Variants in SGCD observed in about 807,000 individuals in gnomAD.
The protein encoded by SGCD is delta-sarcoglycan.
Under a neutral mutation model 36.6 loss-of-function variants are expected in SGCD, and 18 were observed. The observed-to-expected ratio is 0.49, with a 90% confidence interval of 0.34 to 0.73. The LOEUF is 0.73. Among genes scored for constraint, SGCD ranks in the 30% least tolerant of loss-of-function variants. The pLI, the probability that SGCD is intolerant of heterozygous loss-of-function variation, is 0.01. For synonymous variants in SGCD, 133 were observed against 130.6 expected (o/e 1.02, Z -0.12); for missense variants, 387 against 346.7 (o/e 1.12, Z -0.92).
the SGCD span, among the ~76,000 whole-genome samples, chr5:155,826,175 C>A: frequency 6.6e-6 from 1 of 152,170 alleles, no homozygotes; most frequent in Non-Finnish European, 1.5e-5. Context: ...CTGCCTATTG[C>A]TTTCCAAACT....
At chr5:155,830,981 T>A in the SGCD span, among the ~76,000 whole-genome samples, 2 of 152,234 alleles carry the variant, frequency 1.3e-5, no homozygotes, top group Non-Finnish European at 2.9e-5. Context: ...ATTAAATGCT[T>A]GTTACGTGTT....
chr5:155,946,471 A>C (rs1043819648), intron 1 of SGCD, among the ~76,000 whole-genome samples: 3 of 152,108 alleles, frequency 2.0e-5, no homozygotes, highest in Non-Finnish European at 4.4e-5. Flanking sequence ...CCAAGTGGTT[A>C]TATGGTTGAT....
chr5:156,728,598 C>A (rs982685253), intron 7 of SGCD, among the ~76,000 whole-genome samples: 9 of 149,732 alleles, frequency 6.0e-5, no homozygotes, highest in African/African-American at 2.2e-4. Context: ...TCAGCAGTGC[C>A]CCCCCACCAC....
At chr5:156,446,420 G>A (rs927721829) in intron 3 of SGCD, among the ~76,000 whole-genome samples, 1 of 152,084 alleles carries the variant, frequency 6.6e-6, no homozygotes, top group Non-Finnish European at 1.5e-5. Context: ...GGTTTTGATG[G>A]CTGAAGAGAA....
intron 7 of SGCD, among the ~76,000 whole-genome samples, chr5:156,715,341 C>T (rs1261955267): frequency 1.3e-5 from 2 of 152,180 alleles, no homozygotes; most frequent in African/African-American, 4.8e-5. Flanking sequence ...AATTTGGTTG[C>T]TGAAGTCAGA....
chr5:156,602,739 A>G (rs1761250514), intron 6 of SGCD, among the ~76,000 whole-genome samples: 1 of 152,182 alleles, frequency 6.6e-6, no homozygotes, highest in African/African-American at 2.4e-5. Flanking sequence ...GTAGTATATC[A>G]CACTTATGGA....
intron 3 of SGCD, among the ~76,000 whole-genome samples, chr5:156,214,314 A>G (rs1764521818): frequency 6.6e-6 from 1 of 152,008 alleles, no homozygotes; most frequent in Admixed American, 6.5e-5. Context: ...ACTAACAACA[A>G]ACTTCTGAAA....
At chr5:156,466,217 C>G (rs1385984362) in intron 3 of SGCD, among the ~76,000 whole-genome samples, 2 of 152,104 alleles carry the variant, frequency 1.3e-5, no homozygotes, top group African/African-American at 4.8e-5. Context: ...CCTTAACTGG[C>G]GAACTATAGG....
At chr5:156,750,629 A>G (rs1279182963) in intron 7 of SGCD, among the ~76,000 whole-genome samples, 1 of 151,832 alleles carries the variant, frequency 6.6e-6, no homozygotes, top group Non-Finnish European at 1.5e-5. Context: ...CTGGGCAACA[A>G]GAGTGAAACT....
intron 1 of SGCD, among the ~76,000 whole-genome samples, chr5:155,888,325 G>A (rs244978): frequency 0.89 from 135,558 of 152,222 alleles, 60,416 homozygotes; most frequent in Admixed American, 0.92. Context: ...CTTCATGGCC[G>A]TCTTACCAAC....
In SGCD at chr5:156,008,125, T is replaced by C. The variant is rs140343442; in HGVS notation, c.-281-109753T>C. ...ATGGCTGCTATAAAAAAATGCCAAA[T>C]TGAGTAGCTTAAAACAATGGAAATT... On this transcript the variant is annotated intron_variant, in intron 1 of 9. Coordinates refer to the SGCD transcript ENST00000517913. 5.9e-5 allele frequency among the ~76,000 whole-genome samples: 9 copies of C among 152,328 alleles called. No homozygotes were observed. In the East Asian group the frequency reaches 1.5e-3, roughly 26 times the overall value.
At chr5:156,394,768 T>A (rs1771762291) in intron 3 of SGCD, among the ~76,000 whole-genome samples, 1 of 152,258 alleles carries the variant, frequency 6.6e-6, no homozygotes, top group African/African-American at 2.4e-5. Flanking sequence ...CCCTTGGCTT[T>A]GTGCCTGCTG....
At chr5:156,483,819 G>C (rs1755543918) in intron 3 of SGCD, among the ~76,000 whole-genome samples, 1 of 152,152 alleles carries the variant, frequency 6.6e-6, no homozygotes, top group South Asian at 2.1e-4. Flanking sequence ...ACCTGGTTTG[G>C]GGGCATTCCC....
chr5:155,774,240 A>G, the SGCD span, among the ~76,000 whole-genome samples: 1 of 152,134 alleles, frequency 6.6e-6, no homozygotes, highest in South Asian at 2.1e-4. Context: ...CTGTTGCTAT[A>G]GAAAGCATTT....
At chr5:156,673,686 T>A (rs1753396715) in intron 7 of SGCD, among the ~76,000 whole-genome samples, 1 of 152,214 alleles carries the variant, frequency 6.6e-6, no homozygotes, top group Non-Finnish European at 1.5e-5. Flanking sequence ...TAACCTTGAA[T>A]AGAAAATAGA....
intron 3 of SGCD, among the ~76,000 whole-genome samples, chr5:156,148,604 C>G (rs1762762978): frequency 6.6e-6 from 1 of 151,988 alleles, no homozygotes; most frequent in Admixed American, 6.6e-5. Context: ...AGAATGAGGT[C>G]CAGCTGGTTG....
chr5:156,742,894 C>T (rs1756758155), intron 7 of SGCD, among the ~76,000 whole-genome samples: 1 of 152,154 alleles, frequency 6.6e-6, no homozygotes, highest in African/African-American at 2.4e-5. Context: ...TAAGGAGGAA[C>T]CTGTTTTATT....
intron 1 of SGCD, among the ~76,000 whole-genome samples, chr5:156,072,318 C>T (rs886790954): frequency 6.6e-6 from 1 of 151,944 alleles, no homozygotes; most frequent in Non-Finnish European, 1.5e-5. Flanking sequence ...TCTTTTAGGG[C>T]AGGTCTGGTG....
chr5:155,810,311 A>G, the SGCD span, among the ~76,000 whole-genome samples: 1 of 152,270 alleles, frequency 6.6e-6, no homozygotes, highest in Admixed American at 6.5e-5. Context: ...ATGTTCATTT[A>G]TGTCTATGCA....
Sources: allele counts gnomAD v4.1 joint callset (sites outside exome capture counted in the v4.1 genomes callset), GRCh38; gene constraint gnomAD v4.1.1; transcripts MANE v1.5; gene names NCBI Gene and HGNC (gene_info 2026-07-23, HGNC 2026-07-21).